The following GPR176 variants were observed in gnomAD, a reference collection of about 807,000 sequenced individuals.
GPR176 encodes the protein G protein-coupled receptor 176.
In GPR176, 26 loss-of-function variants were observed where a neutral mutation model predicts 35.4. The ratio of observed to expected loss-of-function variants is 0.74; its 90% CI spans 0.54 to 1.02. The LOEUF (loss-of-function observed/expected upper bound fraction) is 1.02, where lower values mean the gene tolerates loss of function less well. Among genes scored for constraint, GPR176 ranks in the 50% least tolerant of loss-of-function variants. The pLI, the probability that GPR176 is intolerant of heterozygous loss-of-function variation, is 0.00. For missense variants in GPR176, 597 were observed against 665.3 expected, an observed-to-expected ratio of 0.90 and a Z score of 1.13; for synonymous variants, 278 against 271.3, an observed-to-expected ratio of 1.02 and a Z score of -0.24.
intron 1 of GPR176, among the ~76,000 whole-genome samples, chr15:39,894,238 GGGGCGGCTGGCCGGGTTGGGGGCT>G (rs2033006608): frequency 7.3e-6 from 1 of 137,278 alleles, no homozygotes; most frequent in Non-Finnish European, 1.6e-5. Context: ...CCTCCCGGAC[GGGGCGGCTGGCCGGGTTGGGGGCT>G]GACCCCCCCA....
chr15:39,839,122 T>C (rs868250858), intron 1 of GPR176, among the ~76,000 whole-genome samples: 60 of 152,284 alleles, frequency 3.9e-4, no homozygotes, highest in Non-Finnish European at 7.1e-4. Flanking sequence ...CTTCACAGAA[T>C]TGGAAAAAAC....
chr15:39,851,068 G>A (rs1393522656), intron 1 of GPR176, among the ~76,000 whole-genome samples: 3 of 152,056 alleles, frequency 2.0e-5, no homozygotes, highest in African/African-American at 4.8e-5. Flanking sequence ...TGACCTCTAC[G>A]TTTCTTACTT....
At chr15:39,861,561 T>C (rs8037616) in intron 1 of GPR176, among the ~76,000 whole-genome samples, 2 of 150,718 alleles carry the variant, frequency 1.3e-5, no homozygotes, top group Admixed American at 6.6e-5. Context: ...AAAAAAAAAA[T>C]CCTATATTTT....
At chr15:39,911,189 G>C (rs976373137) in intron 1 of GPR176, among the ~76,000 whole-genome samples, 2 of 152,038 alleles carry the variant, frequency 1.3e-5, no homozygotes. Context: ...AAAAAAGTGA[G>C]TAAACCAGAG....
intron 1 of GPR176, among the ~76,000 whole-genome samples, chr15:39,874,026 C>T (rs1412685506): frequency 1.3e-5 from 2 of 152,132 alleles, no homozygotes; most frequent in African/African-American, 4.8e-5. Context: ...ACATGAAGAA[C>T]TCAAAATGTA....
In GPR176 at chr15:39,920,022, C is replaced by T; in HGVS notation, c.5G>A (p.Gly2Glu). The part of the protein sequence containing the change: M[G>E]HNGSWISPNA... Reference sequence around the variant, plus strand: ...TGGAGAGATCCAGCTCCCGTTATGTCCCATGGCGAGGCTGGGACTCCGGCT... The same window carrying T: ...TGGAGAGATCCAGCTCCCGTTATGTTCCATGGCGAGGCTGGGACTCCGGCT... Residue 2 changes from glycine (G) to glutamate (E), a missense_variant, in exon 1 of 3, where the codon GGA becomes GAA. Coordinates refer to ENST00000561100, the MANE Select transcript of GPR176 (RefSeq NM_007223.3). 2.2e-6 allele frequency: 3 copies of T among 1,351,010 alleles called. No individual in the cohort carries two copies. The highest frequency in any genetic ancestry group is 2.9e-6 in the Non-Finnish European group (3 of 1,045,616). The allele number at this position is 1,351,010 out of a possible 1,614,324, so 83.7% of individuals were successfully genotyped here. A position where few individuals can be genotyped will look rare whatever the true frequency, so the allele number is the denominator to read the frequency against.
chr15:39,801,807 C>T lies in GPR176; in HGVS notation c.873G>A (p.Val291=). The change falls in exon 3 of 3, where the codon GTG becomes GTA. Residue 291 remains valine (V), a synonymous_variant. Coordinates refer to ENST00000561100, the MANE Select transcript of GPR176 (RefSeq NM_007223.3). ...PYATLVVYQT[V]LNVPDTSVFL... Reference sequence around the variant, plus strand: ...AGACGGAAGTGTCAGGGACATTGAGCACAGTCTGGTAGACGACCAGGGTGG... The same window carrying T: ...AGACGGAAGTGTCAGGGACATTGAGTACAGTCTGGTAGACGACCAGGGTGG... The T allele has an allele frequency of 6.2e-7, 1 of 1,613,794 alleles. No homozygotes were observed. The highest frequency in any genetic ancestry group is 8.5e-7 in the Non-Finnish European group (1 of 1,179,756).
chr15:39,852,354 T>C (rs908189218), intron 1 of GPR176, among the ~76,000 whole-genome samples: 7 of 152,172 alleles, frequency 4.6e-5, no homozygotes, highest in African/African-American at 1.7e-4. Context: ...ATTCCAGACA[T>C]GGGCAATTTG....
chr15:39,909,899 G>A (rs2033531591), intron 1 of GPR176: 1 of 979,930 alleles, frequency 1.0e-6, no homozygotes, highest in South Asian at 4.7e-5. Context: ...TGGCAAGCTA[G>A]TCCTTTTAAA....
At chr15:39,889,774 AG>A (rs1297174570) in intron 1 of GPR176, among the ~76,000 whole-genome samples, 1 of 152,116 alleles carries the variant, frequency 6.6e-6, no homozygotes, top group East Asian at 1.9e-4. Flanking sequence ...CTATATCCCT[AG>A]TACCTAGAGC....
chr15:39,810,290 T>C (rs1899465887), intron 1 of GPR176, among the ~76,000 whole-genome samples: 2 of 152,208 alleles, frequency 1.3e-5, no homozygotes, highest in Admixed American at 1.3e-4. Context: ...AGACTTCTCG[T>C]TCTGTAATAT....
chr15:39,806,778 G>T (rs1438576512), intron 2 of GPR176, among the ~76,000 whole-genome samples: 1 of 152,098 alleles, frequency 6.6e-6, no homozygotes, highest in Non-Finnish European at 1.5e-5. Context: ...CCTCACCATG[G>T]AACTCCCATC....
chr15:39,911,800 T>C lies in GPR176; in HGVS notation c.172+8055A>G, dbSNP rs148966604. Among the ~76,000 whole-genome samples the C allele has an allele frequency of 1.4e-4, 21 of 152,366 alleles. No individual in the cohort carries two copies. In the East Asian group the frequency reaches 4.0e-3, roughly 29 times the overall value. On this transcript the variant is annotated intron_variant, in intron 1 of 2. Coordinates refer to ENST00000561100, the MANE Select transcript of GPR176 (RefSeq NM_007223.3). ...TTGTCAATAATCCCTAGCTTCATGATACAATTTTAGTAGAATCAAACTTAA... is the reference window on the plus strand; with the variant it reads ...TTGTCAATAATCCCTAGCTTCATGACACAATTTTAGTAGAATCAAACTTAA...
intron 1 of GPR176, among the ~76,000 whole-genome samples, chr15:39,906,000 T>C (rs1392746711): frequency 6.6e-6 from 1 of 152,216 alleles, no homozygotes; most frequent in Non-Finnish European, 1.5e-5. Context: ...CAGGCATCTC[T>C]CTGTATTTAT....
intron 1 of GPR176, among the ~76,000 whole-genome samples, chr15:39,908,600 T>G (rs1320544776): frequency 6.6e-6 from 1 of 150,828 alleles, no homozygotes; most frequent in Non-Finnish European, 1.5e-5. Flanking sequence ...ACACAAGGGG[T>G]AGAATTAGGC....
At chr15:39,809,556 T>A (rs1173224805) in intron 1 of GPR176, among the ~76,000 whole-genome samples, 1 of 152,226 alleles carries the variant, frequency 6.6e-6, no homozygotes, top group Non-Finnish European at 1.5e-5. Context: ...AACCTCTATA[T>A]ACTTTTTATT....
At chr15:39,831,506 C>T (rs531205873) in intron 1 of GPR176, among the ~76,000 whole-genome samples, 2 of 152,214 alleles carry the variant, frequency 1.3e-5, no homozygotes, top group African/African-American at 2.4e-5. Context: ...TCCTACCTGC[C>T]CCCAAATGTT....
rs1898933486 is a variant in GPR176 at position 39,802,251 on chromosome 15, G to A, written c.429C>T (p.Tyr143=). ...LSFPAIALDR[Y]YSVLYPLERK... Reference sequence around the variant, plus strand: ...TCTCCAGTGGATAGAGGACTGAGTAGTACCTGCAAGATACACAAACAAAAT... The same window carrying A: ...TCTCCAGTGGATAGAGGACTGAGTAATACCTGCAAGATACACAAACAAAAT... The change falls in exon 3 of 3, where the codon TAC becomes TAT. Residue 143 remains tyrosine (Y), a synonymous_variant. Transcript: ENST00000561100. 1.3e-6 allele frequency: 2 copies of A among 1,581,744 alleles called. No individual in the cohort carries two copies. Among genetic ancestry groups the A allele is most frequent in the Non-Finnish European group, 1.7e-6 (2 of 1,162,264 alleles).
chr15:39,828,474 T>C (rs1488084437), intron 1 of GPR176, among the ~76,000 whole-genome samples: 1 of 152,140 alleles, frequency 6.6e-6, no homozygotes, highest in African/African-American at 2.4e-5. Context: ...CCTGGTTCTT[T>C]GGGGATTAGC....
Sources: gnomAD v4.1 joint callset for allele counts (sites outside exome capture counted in the v4.1 genomes callset) on GRCh38, gnomAD v4.1.1 for gene constraint, MANE v1.5 for transcripts, NCBI Gene and HGNC (gene_info 2026-07-23, HGNC 2026-07-21) for gene names.